Variants in FAM3B observed in about 807,000 individuals in gnomAD.
FAM3B encodes FAM3 metabolism regulating signaling molecule B.
FAM3B carries 29 observed loss-of-function variants against 28.4 expected under a neutral mutation model. That is an observed-to-expected ratio of 1.02 (90% CI 0.76 to 1.39). The LOEUF (loss-of-function observed/expected upper bound fraction) is 1.39. Ranked by LOEUF, FAM3B falls within the 40% of genes most tolerant of loss-of-function variation. The pLI, the probability that FAM3B is intolerant of heterozygous loss-of-function variation, is 0.00. For missense variants in FAM3B, 266 were observed against 293.9 expected (o/e 0.91, Z 0.69); for synonymous variants, 91 against 103.0 (o/e 0.88, Z 0.71).
At chr21:41,321,228 ATTTTC>A (rs2123694503) in intron 1 of FAM3B, among the ~76,000 whole-genome samples, 1 of 152,272 alleles carries the variant, frequency 6.6e-6, no homozygotes, top group Non-Finnish European at 1.5e-5. Flanking sequence ...ATCCAACAGA[ATTTTC>A]TGGAAAATCA....
chr21:41,305,001 A>G (rs1013994071), intron 1 of FAM3B, among the ~76,000 whole-genome samples: 1 of 152,190 alleles, frequency 6.6e-6, no homozygotes, highest in African/African-American at 2.4e-5. Context: ...TTGGAACTGA[A>G]GGGATGACGT....
intron 2 of FAM3B, among the ~76,000 whole-genome samples, chr21:41,329,284 T>C (rs532792873): frequency 9.2e-5 from 14 of 152,368 alleles, no homozygotes; most frequent in African/African-American, 3.4e-4. Context: ...TTATATGTTT[T>C]AAATTGTGTG....
chr21:41,351,566 T>C (rs2089120777), intron 7 of FAM3B, among the ~76,000 whole-genome samples: 1 of 152,096 alleles, frequency 6.6e-6, no homozygotes, highest in Non-Finnish European at 1.5e-5. Context: ...ACTGGAGGAA[T>C]CATTTGTGTC....
intron 2 of FAM3B, among the ~76,000 whole-genome samples, chr21:41,333,457 C>T (rs1459854474): frequency 6.6e-6 from 1 of 152,262 alleles, no homozygotes. Flanking sequence ...TGTGGTACCT[C>T]CCTCTTCTCT....
chr21:41,312,480 T>C (rs1332736929), upstream of FAM3B, among the ~76,000 whole-genome samples: 2 of 152,130 alleles, frequency 1.3e-5, no homozygotes, highest in Non-Finnish European at 2.9e-5. Flanking sequence ...GTCTCATGGA[T>C]CCTAGGAGTT....
chr21:41,337,712 A>G (rs901662091), intron 2 of FAM3B, among the ~76,000 whole-genome samples: 2 of 151,342 alleles, frequency 1.3e-5, no homozygotes, highest in African/African-American at 4.9e-5. Flanking sequence ...GTGTGTGTCT[A>G]TATGGTATGG....
At chr21:41,340,936 A>T (rs767685190) in intron 3 of FAM3B, among the ~76,000 whole-genome samples, 3 of 152,026 alleles carry the variant, frequency 2.0e-5, no homozygotes, top group East Asian at 3.8e-4. Context: ...AAATTAATAC[A>T]TACCTATGTA....
rs968877542 is a variant in FAM3B, at chr21:41,357,338, G to T, written c.*141G>T. On this transcript the variant is annotated 3_prime_UTR_variant, in exon 8 of 8. Transcript: ENST00000357985. ...GTAAACCAATGAACATTTGCTAGTT[G>T]TATCAAATCTTGGTACGCAGTATTT... 1 of 453,320 alleles carries T rather than the reference G, an allele frequency of 2.2e-6. No individual in the cohort carries two copies. The highest frequency in any genetic ancestry group is 2.0e-5 in the African/African-American group (1 of 49,198). 28.1% of individuals were successfully genotyped at this position (453,320 alleles called of 1,614,324 possible).
chr21:41,331,433 T>C (rs2088904799), intron 2 of FAM3B, among the ~76,000 whole-genome samples: 1 of 152,230 alleles, frequency 6.6e-6, no homozygotes, highest in South Asian at 2.1e-4. Flanking sequence ...CAGAAGCTTT[T>C]TGGCTTGATG....
chr21:41,335,029 C>T (rs1453142718), intron 2 of FAM3B, among the ~76,000 whole-genome samples: 2 of 152,184 alleles, frequency 1.3e-5, no homozygotes, highest in Non-Finnish European at 2.9e-5. Flanking sequence ...GGGCCTGTAG[C>T]CTCTTTCTTT....
At chr21:41,312,137 G>T (rs774291527), upstream of FAM3B, among the ~76,000 whole-genome samples, 1 of 152,346 alleles carries the variant, frequency 6.6e-6, no homozygotes, top group African/African-American at 2.4e-5. Context: ...TGAGATTTGT[G>T]TGGGGACACA....
chr21:41,347,738 C>A (rs1601372603), intron 6 of FAM3B, among the ~76,000 whole-genome samples: 1 of 130,398 alleles, frequency 7.7e-6, no homozygotes. Context: ...GGTGACAGAG[C>A]GAGACTGTCT....
chr21:41,311,248 AAAAATATATATATATATATATATATAT>A lies in FAM3B; in HGVS notation n.99+6940_99+6966del, dbSNP rs1447015125. On this transcript the variant is annotated intron_variant and non_coding_transcript_variant, in intron 1 of 9. Coordinates refer to the FAM3B transcript ENST00000479810. Reference sequence around the variant, plus strand: ...AACCCTGTCTCTACAAAAAAAAAAAAAAAATATATATATATATATATATATATATATATATATATATATATATATGTA... The same window carrying A: ...AACCCTGTCTCTACAAAAAAAAAAAAATATATATATATATATATATATGTA... Among the ~76,000 whole-genome samples, 149 of 64,256 alleles carry A rather than the reference AAAAATATATATATATATATATATATAT, an allele frequency of 2.3e-3. 8 individuals are homozygous for A. The highest frequency in any genetic ancestry group is 8.0e-3 in the African/African-American group (133 of 16,720). The allele number at this position is 64,256 out of a possible 152,430, so 42.2% of individuals were successfully genotyped here.
chr21:41,336,671 G>C (rs1054639085), intron 2 of FAM3B, among the ~76,000 whole-genome samples: 2 of 152,088 alleles, frequency 1.3e-5, no homozygotes, highest in African/African-American at 4.8e-5. Flanking sequence ...GTTGAAAGTG[G>C]GGTATTGACA....
intron 1 of FAM3B, among the ~76,000 whole-genome samples, chr21:41,307,251 C>T (rs1300030325): frequency 6.6e-6 from 1 of 152,222 alleles, no homozygotes; most frequent in African/African-American, 2.4e-5. Flanking sequence ...ACCAACCTCT[C>T]CCAGCTCCCA....
chr21:41,322,876 G>T (rs760040646), intron 1 of FAM3B, 47 bp from the exon 2 acceptor site: 2 of 1,614,094 alleles, frequency 1.2e-6, no homozygotes, highest in Non-Finnish European at 1.7e-6. Context: ...AAGGGCCAGG[G>T]CCGCCACCAA....
rs2088857465 is a variant in FAM3B at position 41,326,682 on chromosome 21, A to AC, written c.163+3621dup. ...TCCCTGGGGAGAGCATCCCTATGGG[A>AC]CCCCCACAATGGCCCCGCTGGAGAC... On this transcript the variant is annotated intron_variant, in intron 2 of 7. Transcript: ENST00000357985. The surrounding 1 kb of genome is among the most constrained non-coding windows in gnomAD (Gnocchi z 4.0). Among the ~76,000 whole-genome samples, 1 of 151,620 alleles carries AC rather than the reference A, an allele frequency of 6.6e-6. No homozygotes were observed. The highest frequency in any genetic ancestry group is 2.1e-4 in the South Asian group (1 of 4,782).
chr21:41,312,672 G>C (rs918524363), upstream of FAM3B, among the ~76,000 whole-genome samples: 1 of 152,092 alleles, frequency 6.6e-6, no homozygotes, highest in African/African-American at 2.4e-5. Flanking sequence ...ACCTGAACAT[G>C]TAAGTTATGA....
At position 41,338,358 on chromosome 21, in the gene FAM3B, T is replaced by C. The variant is rs966219188; in HGVS notation, c.164-20T>C. 4.3e-6 allele frequency: 7 copies of C among 1,613,714 alleles called. No homozygotes were observed. The African/African-American group carries it at 6.7e-5, about 15-fold the overall frequency. ...TTACTGTGGGATGTTAATGGCTATA[T>C]ACTTTCTTATTCATTACAGCTCCAG... On this transcript the variant is annotated intron_variant, in intron 2 of 7. Coordinates refer to ENST00000357985, the MANE Select transcript of FAM3B (RefSeq NM_058186.4).
Sources: allele counts gnomAD v4.1 joint callset (sites outside exome capture counted in the v4.1 genomes callset), GRCh38; gene constraint gnomAD v4.1.1; non-coding constraint Gnocchi (gnomAD v3.1); transcripts MANE v1.5; gene names NCBI Gene and HGNC (gene_info 2026-07-23, HGNC 2026-07-21).